RP1: variants seen among roughly 807,000 people sequenced by gnomAD.
RP1 encodes the protein oxygen-regulated protein 1.
Under a neutral mutation model 14.8 loss-of-function variants are expected in RP1, and 16 were observed. The observed-to-expected ratio is 1.08, with a 90% CI of 0.73 to 1.65. The LOEUF is 1.65. Among genes scored for constraint, RP1 ranks in the 40% most tolerant of loss-of-function variants. The pLI, the probability that RP1 is intolerant of heterozygous loss-of-function variation, is 0.00. For synonymous variants in RP1, 876 were observed against 883.6 expected (o/e 0.99, Z 0.15); for missense variants, 2,631 against 2,535.0 (o/e 1.04, Z -0.81).
At chr8:54,864,891 C>A (rs1479563920) in intron 27 of RP1, among the ~76,000 whole-genome samples, 4 of 152,132 alleles carry the variant, frequency 2.6e-5, no homozygotes, top group Non-Finnish European at 1.5e-5. Context: ...TCATGTAAAA[C>A]ACTTTGGTGA....
At chr8:54,679,052 AC>A (rs1563345318) in intron 9 of RP1, among the ~76,000 whole-genome samples, 1 of 152,088 alleles carries the variant, frequency 6.6e-6, no homozygotes, top group African/African-American at 2.4e-5. Flanking sequence ...ACCCATAGTA[AC>A]CATTTATGAA....
chr8:54,656,843 C>A (rs973848831), intron 6 of RP1, among the ~76,000 whole-genome samples: 1 of 150,532 alleles, frequency 6.6e-6, no homozygotes, highest in African/African-American at 2.4e-5. Context: ...AGACAATTGG[C>A]AAAAAATGGA....
At chr8:54,598,507 A>G (rs1417267930) in intron 1 of RP1, among the ~76,000 whole-genome samples, 2 of 152,228 alleles carry the variant, frequency 1.3e-5, no homozygotes, top group African/African-American at 2.4e-5. Flanking sequence ...AACAATTTAG[A>G]AAATTCAGAT....
intron 15 of RP1, among the ~76,000 whole-genome samples, chr8:54,716,169 A>G (rs1281201570): frequency 2.0e-5 from 3 of 152,160 alleles, no homozygotes; most frequent in Admixed American, 6.5e-5. Flanking sequence ...AGATTACTAT[A>G]ATGAAACACA....
At chr8:54,665,775 A>C (rs1807002502) in intron 7 of RP1, among the ~76,000 whole-genome samples, 1 of 152,186 alleles carries the variant, frequency 6.6e-6, no homozygotes, top group Non-Finnish European at 1.5e-5. Context: ...TGAAGTGTGC[A>C]GACACTCAGT....
intron 27 of RP1, among the ~76,000 whole-genome samples, chr8:54,861,163 A>G (rs934554510): frequency 6.6e-6 from 1 of 152,192 alleles, no homozygotes; most frequent in Non-Finnish European, 1.5e-5. Flanking sequence ...TTCTTTTCAA[A>G]CTGTGTATTA....
intron 1 of RP1, among the ~76,000 whole-genome samples, chr8:54,594,471 T>C (rs1260682273): frequency 6.6e-6 from 1 of 152,254 alleles, no homozygotes; most frequent in Non-Finnish European, 1.5e-5. Context: ...AGCACATTAT[T>C]TTCTGGTATG....
chr8:54,699,612 A>G, intron 13 of RP1: 2 of 931,570 alleles, frequency 2.1e-6, no homozygotes, highest in Non-Finnish European at 2.9e-6. Context: ...CAATAGTATT[A>G]TGTCTGTATA....
intron 15 of RP1, among the ~76,000 whole-genome samples, chr8:54,715,499 T>A (rs1250467766): frequency 6.6e-6 from 1 of 152,198 alleles, no homozygotes; most frequent in Admixed American, 6.6e-5. Context: ...AAAATACCAT[T>A]CCTTCAGGCA....
intron 27 of RP1, among the ~76,000 whole-genome samples, chr8:54,858,460 G>A (rs993789761): frequency 3.3e-5 from 5 of 152,106 alleles, no homozygotes; most frequent in African/African-American, 4.8e-5. Flanking sequence ...CATTGCCACT[G>A]TAGAGCACTG....
At chr8:54,566,193 A>G (rs35689881) in intron 1 of RP1, among the ~76,000 whole-genome samples, 9,060 of 152,234 alleles carry the variant, frequency 0.06, 396 homozygotes, top group Non-Finnish European at 0.095. Context: ...ATGAATCTGG[A>G]GTGGAGCTCA....
At chr8:54,596,422 A>G (rs1465648806) in intron 1 of RP1, among the ~76,000 whole-genome samples, 1 of 152,122 alleles carries the variant, frequency 6.6e-6, no homozygotes, top group Non-Finnish European at 1.5e-5. Context: ...CTATCCCATG[A>G]CTCAAATTAT....
chr8:54,577,103 C>T (rs1585520796), intron 1 of RP1, among the ~76,000 whole-genome samples: 2 of 152,268 alleles, frequency 1.3e-5, no homozygotes, highest in Middle Eastern at 6.8e-3. Flanking sequence ...GCAACCTCTG[C>T]TTCCCGGGTT....
At chr8:54,571,992 G>A (rs1488618464) in intron 1 of RP1, among the ~76,000 whole-genome samples, 3 of 152,114 alleles carry the variant, frequency 2.0e-5, no homozygotes, top group African/African-American at 4.8e-5. Flanking sequence ...CACAAGTACT[G>A]GGGGGAAGGA....
At chr8:54,825,224 G>T (rs1265746933) in intron 24 of RP1, among the ~76,000 whole-genome samples, 2 of 152,258 alleles carry the variant, frequency 1.3e-5, no homozygotes, top group African/African-American at 4.8e-5. Context: ...CTCCCAAAGT[G>T]CTGGGATTAC....
At chr8:54,714,391 T>C (rs1808355526) in intron 15 of RP1, among the ~76,000 whole-genome samples, 1 of 152,208 alleles carries the variant, frequency 6.6e-6, no homozygotes, top group Admixed American at 6.5e-5. Flanking sequence ...CAATTGTTCC[T>C]ATGGATAACA....
At chr8:54,758,001 A>T (rs968174971) in intron 21 of RP1, among the ~76,000 whole-genome samples, 16 of 152,232 alleles carry the variant, frequency 1.1e-4, no homozygotes, top group Admixed American at 8.5e-4. Flanking sequence ...TGGAGCCAAT[A>T]GTTGTAGTGT....
At chr8:54,708,705 C>G (rs1808218833) in intron 15 of RP1, among the ~76,000 whole-genome samples, 1 of 147,008 alleles carries the variant, frequency 6.8e-6, no homozygotes. Context: ...ATGCCTCTCT[C>G]TGACTCTTCC....
At chr8:54,670,003 T>C (rs1471395106) in intron 7 of RP1, among the ~76,000 whole-genome samples, 5 of 152,114 alleles carry the variant, frequency 3.3e-5, no homozygotes, top group Non-Finnish European at 7.4e-5. Context: ...GTTGTGCACA[T>C]GTACCCTAGA....
Sources: allele counts gnomAD v4.1 joint callset (sites outside exome capture counted in the v4.1 genomes callset), GRCh38; gene constraint gnomAD v4.1.1; transcripts MANE v1.5; gene names NCBI Gene and HGNC (gene_info 2026-07-23, HGNC 2026-07-21).